CCM2: variants seen among roughly 807,000 people sequenced by gnomAD.
CCM2 encodes the protein cerebral cavernous malformations 2 protein.
CCM2 carries 25 observed loss-of-function variants against 44.9 expected under a neutral mutation model. The ratio of observed to expected loss-of-function variants is 0.56; its 90% CI spans 0.41 to 0.78. The LOEUF (loss-of-function observed/expected upper bound fraction) is 0.78, where lower values mean the gene tolerates loss of function less well. Among genes scored for constraint, CCM2 ranks in the 30% least tolerant of loss-of-function variants. The probability of loss-of-function intolerance (pLI) is 0.00; values close to 1 mark genes in which losing one functional copy is unlikely to be tolerated. For missense variants in CCM2, 481 were observed against 580.6 expected (o/e 0.83, Z 1.76); for synonymous variants, 219 against 241.1 (o/e 0.91, Z 0.85).
chr7:45,039,801 C>T (rs577555480), intron 2 of CCM2, among the ~76,000 whole-genome samples: 5 of 150,826 alleles, frequency 3.3e-5, no homozygotes, highest in Admixed American at 6.6e-5. Flanking sequence ...CCAAGGTGTG[C>T]GGATCACTTG....
At chr7:45,050,441 G>A in intron 2 of CCM2, among the ~76,000 whole-genome samples, 1 of 152,208 alleles carries the variant, frequency 6.6e-6, no homozygotes, top group East Asian at 1.9e-4. Context: ...TTGAACATCT[G>A]CAGATTTTGG....
chr7:45,075,690 C>T (rs577692551), intron 9 of CCM2, 87 bp from the exon 10 acceptor site: 3 of 1,555,152 alleles, frequency 1.9e-6, no homozygotes, highest in African/African-American at 2.7e-5. Flanking sequence ...CAGCTGTGGC[C>T]CTGTCAGGGG....
chr7:45,001,583 G>A (rs1451206919), intron 1 of CCM2, among the ~76,000 whole-genome samples: 3 of 152,224 alleles, frequency 2.0e-5, no homozygotes, highest in African/African-American at 7.2e-5. Flanking sequence ...TGAGCCATGT[G>A]CTCTGTGGAA....
chr7:45,066,448 C>T (rs1482559517), intron 4 of CCM2, among the ~76,000 whole-genome samples: 4 of 152,148 alleles, frequency 2.6e-5, no homozygotes, highest in African/African-American at 9.7e-5. Flanking sequence ...CACTGGGCCG[C>T]CATGCTGTAT....
chr7:45,023,787 G>GTTTTTTTTTGTTTTTTTTTTTTT, intron 1 of CCM2, among the ~76,000 whole-genome samples: 1 of 58,616 alleles, frequency 1.7e-5, no homozygotes, highest in Non-Finnish European at 2.9e-5. Flanking sequence ...CTCTGTATCA[G>GTTTTTTTTTGTTTTTTTTTTTTT]TTTTTTTTTT....
At chr7:45,063,035 C>T (rs1213892219) in intron 2 of CCM2, 2 of 151,674 alleles carry the variant, frequency 1.3e-5, no homozygotes, top group Admixed American at 6.6e-5. Context: ...TTAATGTGCT[C>T]ACAAGGGCAG....
intron 2 of CCM2, among the ~76,000 whole-genome samples, chr7:45,045,709 T>G (rs555790214): frequency 8.9e-4 from 136 of 152,286 alleles, no homozygotes; most frequent in Admixed American, 1.5e-3. Context: ...GAGAACAGCA[T>G]GAACCCGGGA....
rs746126891 is a variant in CCM2, at chr7:45,069,879, C to T, written c.663C>T (p.Tyr221=). 5 of 1,614,220 alleles carry T rather than the reference C, an allele frequency of 3.1e-6. No homozygotes were observed. Among genetic ancestry groups the T allele is most frequent in the Non-Finnish European group, 4.2e-6 (5 of 1,180,038 alleles). ...TAGGCCAGGTCTTCCAGGTTGTTTACACGGAGTCCACCATCGACTTTCTGG... is the reference window on the plus strand; with the variant it reads ...TAGGCCAGGTCTTCCAGGTTGTTTATACGGAGTCCACCATCGACTTTCTGG... ...CLLGQVFQVV[Y]TESTIDFLDR... Residue 221 remains tyrosine (Y), a synonymous_variant, in exon 6 of 10, where the codon TAC becomes TAT. Coordinates refer to ENST00000258781, the MANE Select transcript of CCM2 (RefSeq NM_031443.4).
At chr7:45,031,948 G>GA (rs1796989081) in intron 1 of CCM2, among the ~76,000 whole-genome samples, 1 of 152,078 alleles carries the variant, frequency 6.6e-6, no homozygotes, top group East Asian at 1.9e-4. Context: ...TTTTGTATCT[G>GA]GAATAGCAGA....
Position 45,069,819 on chromosome 7 carries a change from A to ACT in CCM2, c.610-6_610-5dup. ...ACTGACCGAGCAGCTGCTGTCCCCC[A>ACT]CTGCAGGTCGCTGCGGAGGAGCTTT... On this transcript the variant is annotated splice_polypyrimidine_tract_variant and splice_region_variant and intron_variant, in intron 5 of 9. Transcript: ENST00000258781. 1 of 1,614,038 alleles carries ACT rather than the reference A, an allele frequency of 6.2e-7. No individual in the cohort carries two copies. Among genetic ancestry groups the ACT allele is most frequent in the South Asian group, 1.1e-5 (1 of 91,084 alleles).
At chr7:45,028,788 TAA>T (rs930299508) in intron 1 of CCM2, among the ~76,000 whole-genome samples, 5 of 142,200 alleles carry the variant, frequency 3.5e-5, no homozygotes, top group African/African-American at 7.7e-5. Context: ...CCAAAGCACT[TAA>T]AAAAAAAAAA....
At chr7:45,063,866 T>C in intron 2 of CCM2, 52 bp from the exon 3 acceptor site, 1 of 1,179,472 alleles carries the variant, frequency 8.5e-7, no homozygotes, top group Non-Finnish European at 1.3e-6. Flanking sequence ...GTGATGGTGG[T>C]GTTGGCTCAG....
intron 2 of CCM2, among the ~76,000 whole-genome samples, chr7:45,041,713 C>G (rs563124917): frequency 6.6e-6 from 1 of 152,344 alleles, no homozygotes; most frequent in African/African-American, 2.4e-5. Flanking sequence ...GCCACTTACT[C>G]CTCCAGAGAA....
intron 2 of CCM2, among the ~76,000 whole-genome samples, chr7:45,051,862 C>T (rs553666686): frequency 1.3e-5 from 2 of 149,386 alleles, no homozygotes; most frequent in East Asian, 2.0e-4. Context: ...CGCCCGGCCA[C>T]GCCTGGCTAA....
chr7:45,048,147 A>G (rs1266000607), intron 2 of CCM2, among the ~76,000 whole-genome samples: 1 of 152,224 alleles, frequency 6.6e-6, no homozygotes, highest in African/African-American at 2.4e-5. Context: ...GAATCAGAAG[A>G]CTTCAGTGTG....
intron 4 of CCM2, among the ~76,000 whole-genome samples, chr7:45,066,126 G>C (rs1363920443): frequency 1.3e-5 from 2 of 152,100 alleles, no homozygotes; most frequent in African/African-American, 4.8e-5. Context: ...AGCGCCATAG[G>C]AGAAACTTTC....
At chr7:45,041,997 C>T (rs916681751) in intron 2 of CCM2, among the ~76,000 whole-genome samples, 4 of 152,254 alleles carry the variant, frequency 2.6e-5, no homozygotes, top group Admixed American at 2.0e-4. Flanking sequence ...GTGGTGTTGT[C>T]GAGCGCCGTG....
intron 2 of CCM2, among the ~76,000 whole-genome samples, chr7:45,059,417 T>C (rs1005158114): frequency 1.3e-4 from 18 of 141,906 alleles, no homozygotes; most frequent in South Asian, 2.3e-4. Flanking sequence ...ACCCTGTCTG[T>C]TAAAAAAAAA....
rs772761867 is a variant in CCM2 at position 45,027,766 on chromosome 7, A to G, written c.31-10487A>G. The G allele has an allele frequency of 4.3e-6, 7 of 1,614,158 alleles. No individual in the cohort carries two copies. In the South Asian group the frequency reaches 7.7e-5, roughly 18 times the overall value. On this transcript the variant is annotated intron_variant, in intron 1 of 9. Coordinates refer to ENST00000258781, the MANE Select transcript of CCM2 (RefSeq NM_031443.4). ...CTCTCCAAAGAAATTCCTCAAACAG[A>G]ATTTCACACAGGGTATTCCATGGAG... is the stretch of plus-strand genomic sequence containing the variant.
Sources: allele counts gnomAD v4.1 joint callset (sites outside exome capture counted in the v4.1 genomes callset), GRCh38; gene constraint gnomAD v4.1.1; transcripts MANE v1.5; gene names NCBI Gene and HGNC (gene_info 2026-07-23, HGNC 2026-07-21).